The following TMEM132C variants were observed in gnomAD, a reference collection of about 807,000 sequenced individuals.
TMEM132C encodes transmembrane protein 132C.
A neutral mutation model predicts 61.4 loss-of-function variants in TMEM132C; 29 were observed. The observed-to-expected ratio is 0.47, with a 90% CI of 0.35 to 0.64. TMEM132C has a LOEUF of 0.64. TMEM132C is among the 30% of genes least tolerant of loss of function. The pLI is 0.00. For synonymous variants in TMEM132C, 656 were observed against 633.1 expected, an observed-to-expected ratio of 1.04 and a Z score of -0.54; for missense variants, 1,408 against 1,476.9, an observed-to-expected ratio of 0.95 and a Z score of 0.76.
intron 2 of TMEM132C, among the ~76,000 whole-genome samples, chr12:128,475,213 T>C (rs77979838): frequency 0.019 from 2,926 of 152,280 alleles, 84 homozygotes; most frequent in African/African-American, 0.061. Flanking sequence ...CAACTCGAAA[T>C]GTCATTTCTT....
intron 4 of TMEM132C, among the ~76,000 whole-genome samples, chr12:128,654,393 G>A (rs1213636017): frequency 2.6e-5 from 4 of 152,158 alleles, no homozygotes; most frequent in Non-Finnish European, 2.9e-5. Context: ...GAGGGAGCAC[G>A]GCCCTGCTCA....
chr12:128,443,143 A>G (rs970519804), intron 2 of TMEM132C, among the ~76,000 whole-genome samples: 1 of 149,318 alleles, frequency 6.7e-6, no homozygotes, highest in Non-Finnish European at 1.5e-5. Context: ...ATATATATTG[A>G]GAGAGAGAGA....
intron 3 of TMEM132C, among the ~76,000 whole-genome samples, chr12:128,563,726 G>T (rs1288825200): frequency 2.6e-5 from 4 of 152,160 alleles, no homozygotes; most frequent in African/African-American, 9.7e-5. Context: ...ATTGTTATGG[G>T]GATGACAAGT....
chr12:128,404,509 C>T (rs1046386217), intron 1 of TMEM132C: 1 of 152,300 alleles, frequency 6.6e-6, no homozygotes, highest in Non-Finnish European at 1.5e-5. Flanking sequence ...AAGAATCTAT[C>T]TCTGGTCAAC....
At chr12:128,312,613 G>A (rs1872010345) in intron 1 of TMEM132C, among the ~76,000 whole-genome samples, 1 of 152,148 alleles carries the variant, frequency 6.6e-6, no homozygotes, top group African/African-American at 2.4e-5. Flanking sequence ...ACATTGGAGG[G>A]ACACAGTTAC....
chr12:128,525,110 G>A (rs573738307), intron 2 of TMEM132C, among the ~76,000 whole-genome samples: 1 of 152,308 alleles, frequency 6.6e-6, no homozygotes, highest in African/African-American at 2.4e-5. Context: ...TTAGATTGCA[G>A]GTGGAGGTGC....
chr12:128,574,276 T>C (rs1447501439), intron 3 of TMEM132C, among the ~76,000 whole-genome samples: 4 of 152,356 alleles, frequency 2.6e-5, no homozygotes, highest in East Asian at 3.9e-4. Context: ...TAGTTACGGC[T>C]CATTCCAATG....
chr12:128,694,108 C>A, intron 6 of TMEM132C, 74 bp downstream of exon 6: 1 of 1,452,280 alleles, frequency 6.9e-7, no homozygotes, highest in Non-Finnish European at 9.4e-7. Context: ...CTAAAGGACC[C>A]AATGCTTAAG....
chr12:128,476,899 G>A (rs1836943867), intron 2 of TMEM132C, among the ~76,000 whole-genome samples: 3 of 152,208 alleles, frequency 2.0e-5, no homozygotes, highest in Admixed American at 2.0e-4. Flanking sequence ...CTGTAGGAAA[G>A]TCTCAATTAT....
intron 2 of TMEM132C, among the ~76,000 whole-genome samples, chr12:128,540,142 G>C (rs573385240): frequency 6.6e-5 from 10 of 152,122 alleles, no homozygotes; most frequent in South Asian, 2.1e-4. Flanking sequence ...TAATTTCCAA[G>C]GGCTCATTTT....
At chr12:128,661,117 T>C (rs1263417712) in intron 4 of TMEM132C, among the ~76,000 whole-genome samples, 5 of 152,162 alleles carry the variant, frequency 3.3e-5, no homozygotes, top group Non-Finnish European at 7.3e-5. Flanking sequence ...TAGCTATGTG[T>C]CATGGACAAA....
At chr12:128,624,832 C>A (rs1954000078) in intron 4 of TMEM132C, among the ~76,000 whole-genome samples, 1 of 152,138 alleles carries the variant, frequency 6.6e-6, no homozygotes, top group African/African-American at 2.4e-5. Context: ...CGGTTAGAAT[C>A]CTACTGAGTC....
At chr12:128,339,341 C>A (rs988226791) in intron 1 of TMEM132C, among the ~76,000 whole-genome samples, 1 of 152,024 alleles carries the variant, frequency 6.6e-6, no homozygotes, top group Non-Finnish European at 1.5e-5. Context: ...CTGTCTTCTG[C>A]TCTAATCTTG....
intron 2 of TMEM132C, among the ~76,000 whole-genome samples, chr12:128,531,755 C>A (rs1873315316): frequency 1.3e-5 from 2 of 152,092 alleles, no homozygotes; most frequent in African/African-American, 4.8e-5. Flanking sequence ...TCTGCCCTGA[C>A]AGGTAGTTTA....
At chr12:128,282,717 G>A (rs566905887) in intron 1 of TMEM132C, among the ~76,000 whole-genome samples, 23 of 152,286 alleles carry the variant, frequency 1.5e-4, no homozygotes, top group African/African-American at 5.5e-4. Flanking sequence ...TAGTTGTCAT[G>A]GGTTTTTACT....
rs968032368 is a variant in TMEM132C at position 128,570,784 on chromosome 12, G to A, written c.1121+26681G>A. On this transcript the variant is annotated intron_variant, in intron 3 of 8. Coordinates refer to ENST00000435159, the MANE Select transcript of TMEM132C (RefSeq NM_001136103.3). The surrounding 1 kb of genome is among the most constrained non-coding windows in gnomAD (Gnocchi z 4.7). ...ATGGCTAAGGCAATAAGTAGGTGAA[G>A]GCTGGCGCTGTTTGCCTCTTTGGAT... Among the ~76,000 whole-genome samples, 1 of 152,244 alleles carries A rather than the reference G, an allele frequency of 6.6e-6. No individual in the cohort carries two copies. The highest frequency in any genetic ancestry group is 2.4e-5 in the African/African-American group (1 of 41,458).
intron 1 of TMEM132C, among the ~76,000 whole-genome samples, chr12:128,344,115 A>C (rs1415732793): frequency 1.3e-5 from 2 of 152,116 alleles, no homozygotes; most frequent in Non-Finnish European, 2.9e-5. Flanking sequence ...AACATTTATG[A>C]TTCATGTACA....
chr12:128,332,174 A>G (rs1297263419), intron 1 of TMEM132C, among the ~76,000 whole-genome samples: 3 of 152,232 alleles, frequency 2.0e-5, no homozygotes, highest in Non-Finnish European at 4.4e-5. Context: ...GTGTTTGCAC[A>G]TATGAAAGGG....
At chr12:128,689,282 C>T (rs1954701270) in intron 5 of TMEM132C, among the ~76,000 whole-genome samples, 1 of 152,060 alleles carries the variant, frequency 6.6e-6, no homozygotes, top group African/African-American at 2.4e-5. Context: ...AAATACTTAA[C>T]TTTTTGTGGT....
Sources: gnomAD v4.1 joint callset for allele counts (sites outside exome capture counted in the v4.1 genomes callset) on GRCh38, gnomAD v4.1.1 for gene constraint, Gnocchi (gnomAD v3.1) non-coding constraint, MANE v1.5 for transcripts, NCBI Gene and HGNC (gene_info 2026-07-23, HGNC 2026-07-21) for gene names.